B3GLCT: variants seen among roughly 807,000 people sequenced by gnomAD.
The protein encoded by B3GLCT is beta-1,3-glucosyltransferase.
In B3GLCT, 65 loss-of-function variants were observed where a neutral mutation model predicts 63.4. The ratio of observed to expected loss-of-function variants is 1.03; its 90% confidence interval spans 0.84 to 1.26. B3GLCT has a LOEUF of 1.26. B3GLCT is among the 50% of genes most tolerant of loss of function. B3GLCT has a pLI of 0.00. For synonymous variants in B3GLCT, 233 were observed against 219.2 expected, an observed-to-expected ratio of 1.06 and a Z score of -0.55; for missense variants, 577 against 604.8, an observed-to-expected ratio of 0.95 and a Z score of 0.48.
chr13:31,200,128 T>C lies in B3GLCT; in HGVS notation c.44T>C (p.Leu15Pro), dbSNP rs1229451093. 7.3e-7 allele frequency: 1 copy of C among 1,374,724 alleles called. No individual in the cohort carries two copies. The highest frequency in any genetic ancestry group is 1.4e-5 in the South Asian group (1 of 71,560). 85.2% of individuals were successfully genotyped at this position (1,374,724 alleles called of 1,614,324 possible). Residue 15 changes from leucine to proline, a missense_variant, in exon 1 of 15, where the codon CTG (leucine) becomes CCG (proline). By Grantham distance (98) the Leu-to-Pro change is moderately conservative (BLOSUM62 -3). Coordinates refer to ENST00000343307, the MANE Select transcript of B3GLCT (RefSeq NM_194318.4). ...ACWWLLAPPA[L>P]LALLTCSLAF... ...TGGTGGCTGCTCGCGCCGCCGGCGC[T>C]GCTCGCGCTCCTCACCTGCTCCCTG... is the stretch of plus-strand genomic sequence containing the variant.
rs897493268 is a variant in B3GLCT, at chr13:31,271,344, A to G, written c.660+2067A>G. 3.9e-5 allele frequency among the ~76,000 whole-genome samples: 6 copies of G among 152,228 alleles called. No homozygotes were observed. The East Asian group carries it at 1.2e-3, about 29-fold the overall frequency. ...TTCTATAGTAGTCTCCCATATGACC[A>G]TAATAATTTATTTATCCGTTCTCTT... On this transcript the variant is annotated intron_variant, in intron 8 of 14. Transcript: ENST00000343307.
chr13:31,314,748 G>A lies in B3GLCT; in HGVS notation c.1065-2818G>A, dbSNP rs142909704. 1.6e-3 allele frequency among the ~76,000 whole-genome samples: 243 copies of A among 152,288 alleles called. 2 individuals carry two copies. Among genetic ancestry groups the A allele is most frequent in the African/African-American group, 5.6e-3 (231 of 41,550 alleles). On this transcript the variant is annotated intron_variant, in intron 12 of 14. Transcript: ENST00000343307. ...GAAAGCATGATTGGTTTTGAAATGT[G>A]AGGACATGATATTTGAGAGGGGGCA...
chr13:31,321,860 A>G (rs1439040638), intron 13 of B3GLCT, among the ~76,000 whole-genome samples: 2 of 152,002 alleles, frequency 1.3e-5, no homozygotes, highest in Non-Finnish European at 2.9e-5. Flanking sequence ...TTATTTCAAC[A>G]GGCTTTTGAG....
intron 2 of B3GLCT, among the ~76,000 whole-genome samples, chr13:31,222,439 G>A (rs560808952): frequency 1.3e-5 from 2 of 152,176 alleles, no homozygotes; most frequent in Admixed American, 1.3e-4. Flanking sequence ...CAGGCCCCTA[G>A]GACTACTCCT....
At chr13:31,251,064 A>G (rs1198689727) in intron 6 of B3GLCT, among the ~76,000 whole-genome samples, 1 of 152,224 alleles carries the variant, frequency 6.6e-6, no homozygotes, top group Non-Finnish European at 1.5e-5. Flanking sequence ...GGGGATACCC[A>G]GGCAAACAGG....
At chr13:31,272,533 T>C (rs1872618932) in intron 8 of B3GLCT, among the ~76,000 whole-genome samples, 1 of 152,116 alleles carries the variant, frequency 6.6e-6, no homozygotes, top group Admixed American at 6.5e-5. Context: ...TTTTCTATTT[T>C]AAAGTTCCTT....
At chr13:31,232,294 T>C (rs1157331645) in intron 4 of B3GLCT, among the ~76,000 whole-genome samples, 1 of 152,244 alleles carries the variant, frequency 6.6e-6, no homozygotes, top group Non-Finnish European at 1.5e-5. Flanking sequence ...AGAAGTTTAC[T>C]TGGCTTATGG....
intron 1 of B3GLCT, 86 bp from the exon 2 acceptor site, chr13:31,214,965 T>C (rs1869475020): frequency 4.6e-6 from 6 of 1,308,258 alleles, no homozygotes; most frequent in Non-Finnish European, 6.4e-6. Context: ...GTATCTTTTT[T>C]TATTATAAGC....
At chr13:31,223,625 TA>T (rs1371681515) in intron 3 of B3GLCT, among the ~76,000 whole-genome samples, 15 of 151,804 alleles carry the variant, frequency 9.9e-5, no homozygotes, top group Admixed American at 9.8e-4. Flanking sequence ...AGTTAGACTT[TA>T]AAAAAAAATT....
chr13:31,315,421 T>G (rs1479551647), intron 12 of B3GLCT, among the ~76,000 whole-genome samples: 3 of 152,330 alleles, frequency 2.0e-5, no homozygotes, highest in Admixed American at 2.0e-4. Context: ...ATTTTGCCCC[T>G]GCCCTAGAGA....
chr13:31,241,194 C>T lies in B3GLCT; in HGVS notation c.271-5829C>T, dbSNP rs116030428. Among the ~76,000 whole-genome samples, 1,038 of 152,310 alleles carry T rather than the reference C, an allele frequency of 6.8e-3. 15 individuals carry two copies. Among genetic ancestry groups the T allele is most frequent in the African/African-American group, 0.024 (1,003 of 41,562 alleles). ...CTTTGCTTCCTGGAGAAGTCTACAC[C>T]CTGTGTCTGGAGGGAGCTGGGGCTC... On this transcript the variant is annotated intron_variant, in intron 4 of 14. Transcript: ENST00000343307.
At chr13:31,310,861 G>A (rs1446071050) in intron 12 of B3GLCT, among the ~76,000 whole-genome samples, 1 of 152,226 alleles carries the variant, frequency 6.6e-6, no homozygotes, top group African/African-American at 2.4e-5. Flanking sequence ...GGCACCCAAG[G>A]CAGAAGCCAG....
At chr13:31,234,118 T>C (rs112698112) in intron 4 of B3GLCT, among the ~76,000 whole-genome samples, 8 of 151,826 alleles carry the variant, frequency 5.3e-5, no homozygotes, top group African/African-American at 1.7e-4. Flanking sequence ...CCCGGGTTCA[T>C]GCCATTCTCC....
chr13:31,207,816 A>G (rs998517395), intron 1 of B3GLCT, among the ~76,000 whole-genome samples: 3 of 152,172 alleles, frequency 2.0e-5, no homozygotes, highest in Non-Finnish European at 4.4e-5. Flanking sequence ...CTCCTTCCTC[A>G]CTACTTCTCT....
At chr13:31,228,176 A>AGGACTTCACGCTAAAGCCCTGTT (rs1180434836) in intron 3 of B3GLCT, among the ~76,000 whole-genome samples, 1 of 151,394 alleles carries the variant, frequency 6.6e-6, no homozygotes, top group Non-Finnish European at 1.5e-5. Context: ...GGCTTTATGC[A>AGGACTTCACGCTAAAGCCCTGTT]GGACTTCACG....
intron 12 of B3GLCT, among the ~76,000 whole-genome samples, chr13:31,295,872 C>T (rs936025387): frequency 2.6e-5 from 4 of 152,134 alleles, no homozygotes; most frequent in African/African-American, 9.7e-5. Flanking sequence ...TAAAAAAACT[C>T]CTGCAGCTAT....
At chr13:31,296,152 A>G (rs760214476) in intron 12 of B3GLCT, among the ~76,000 whole-genome samples, 4 of 152,132 alleles carry the variant, frequency 2.6e-5, no homozygotes, top group South Asian at 2.1e-4. Context: ...CCACTGTCCA[A>G]CCAGTCCCAA....
At chr13:31,263,240 T>C (rs986785046) in intron 7 of B3GLCT, among the ~76,000 whole-genome samples, 1 of 152,214 alleles carries the variant, frequency 6.6e-6, no homozygotes, top group African/African-American at 2.4e-5. Context: ...TGTCTTCCTT[T>C]AGCAAGACTT....
intron 4 of B3GLCT, among the ~76,000 whole-genome samples, chr13:31,240,455 C>G (rs1198053650): frequency 1.4e-5 from 2 of 145,110 alleles, no homozygotes; most frequent in Non-Finnish European, 3.0e-5. Flanking sequence ...GAGTTAGGCC[C>G]TTGCCTCTTT....
Sources: gnomAD v4.1 joint callset for allele counts (sites outside exome capture counted in the v4.1 genomes callset) on GRCh38, gnomAD v4.1.1 for gene constraint, MANE v1.5 for transcripts, NCBI Gene and HGNC (gene_info 2026-07-23, HGNC 2026-07-21) for gene names.